Variants in SPIDR observed in about 807,000 individuals in gnomAD.
SPIDR encodes the protein DNA repair-scaffolding protein.
SPIDR carries 93 observed loss-of-function variants against 104.6 expected under a neutral mutation model. The observed-to-expected ratio is 0.89, with a 90% CI of 0.75 to 1.06. The LOEUF (loss-of-function observed/expected upper bound fraction) is 1.06, where lower values mean the gene tolerates loss of function less well. Among genes scored for constraint, SPIDR ranks in the 50% least tolerant of loss-of-function variants. The pLI is 0.00. For synonymous variants in SPIDR, 431 were observed against 416.9 expected, an observed-to-expected ratio of 1.03 and a Z score of -0.41; for missense variants, 1,154 against 1,111.2, an observed-to-expected ratio of 1.04 and a Z score of -0.55.
At chr8:47,460,989 A>T (rs2073840957) in intron 8 of SPIDR, among the ~76,000 whole-genome samples, 1 of 152,322 alleles carries the variant, frequency 6.6e-6, no homozygotes, top group African/African-American at 2.4e-5. Context: ...ATAGGGCCCC[A>T]ATCCCTTCTA....
chr8:47,350,772 A>G (rs1459533820), intron 5 of SPIDR, among the ~76,000 whole-genome samples: 1 of 152,244 alleles, frequency 6.6e-6, no homozygotes, highest in Non-Finnish European at 1.5e-5. Flanking sequence ...GCAGTACTAT[A>G]ACATTTGAGA....
intron 8 of SPIDR, among the ~76,000 whole-genome samples, chr8:47,526,172 G>A (rs537564443): frequency 6.6e-6 from 1 of 152,320 alleles, no homozygotes; most frequent in East Asian, 1.9e-4. Flanking sequence ...TCACACTGAG[G>A]CAGTGCATCC....
chr8:47,399,770 A>G (rs1236163317), intron 6 of SPIDR, among the ~76,000 whole-genome samples: 1 of 152,220 alleles, frequency 6.6e-6, no homozygotes, highest in African/African-American at 2.4e-5. Flanking sequence ...TAAGCTGGGT[A>G]AAGTGAGAAT....
chr8:47,542,288 C>T (rs2088345527), intron 8 of SPIDR, among the ~76,000 whole-genome samples: 1 of 151,662 alleles, frequency 6.6e-6, no homozygotes, highest in Admixed American at 6.6e-5. Flanking sequence ...TGGTTGCCAA[C>T]CATTTGTTAC....
At position 47,632,257 on chromosome 8, in the gene SPIDR, A is replaced by G. The variant is rs369380644; in HGVS notation, c.1544+33061A>G. On this transcript the variant is annotated intron_variant, in intron 10 of 19. Transcript: ENST00000297423. Reference sequence around the variant, plus strand: ...AACTACCATTTCATCTTCTTCAAGCAAACTGCAAAGTTTCGCCTACTCTGA... The same window carrying G: ...AACTACCATTTCATCTTCTTCAAGCGAACTGCAAAGTTTCGCCTACTCTGA... Among the ~76,000 whole-genome samples, 577 of 152,326 alleles carry G rather than the reference A, an allele frequency of 3.8e-3. 3 individuals are homozygous for G. The highest frequency in any genetic ancestry group is 0.023 in the South Asian group (109 of 4,830).
intron 8 of SPIDR, chr8:47,527,656 C>CT (rs1192207955): frequency 1.3e-5 from 2 of 152,234 alleles, no homozygotes; most frequent in Non-Finnish European, 2.9e-5. Flanking sequence ...GATGTAGCCT[C>CT]TGTAGGTGTT....
chr8:47,494,365 C>G (rs188937746), intron 8 of SPIDR, among the ~76,000 whole-genome samples: 3 of 151,776 alleles, frequency 2.0e-5, no homozygotes, highest in Admixed American at 2.0e-4. Context: ...TCACAGCTCA[C>G]TGCAGCCTTG....
chr8:47,589,022 G>GTTTTTTTTTTTTTTTTTTTT (rs1168001066), intron 8 of SPIDR, among the ~76,000 whole-genome samples: 27 of 89,052 alleles, frequency 3.0e-4, no homozygotes, highest in Non-Finnish European at 4.9e-4. Context: ...TTTATAGTTT[G>GTTTTTTTTTTTTTTTTTTTT]TTTTTTTTTT....
chr8:47,284,357 G>A (rs2038396061), intron 3 of SPIDR, among the ~76,000 whole-genome samples: 2 of 152,230 alleles, frequency 1.3e-5, no homozygotes, highest in East Asian at 3.9e-4. Context: ...TTATCACAGA[G>A]CCCAGTAGGT....
chr8:47,625,148 C>G (rs1344774204), intron 10 of SPIDR, among the ~76,000 whole-genome samples: 2 of 152,166 alleles, frequency 1.3e-5, no homozygotes, highest in Non-Finnish European at 2.9e-5. Context: ...ACATGATTAT[C>G]TCAATAGAGG....
intron 8 of SPIDR, among the ~76,000 whole-genome samples, chr8:47,504,570 A>G (rs2081164529): frequency 6.6e-6 from 1 of 152,096 alleles, no homozygotes; most frequent in African/African-American, 2.4e-5. Flanking sequence ...CTTCTTTGCC[A>G]TGGGTGCAAA....
At chr8:47,501,637 C>T (rs1319749787) in intron 8 of SPIDR, among the ~76,000 whole-genome samples, 1 of 152,146 alleles carries the variant, frequency 6.6e-6, no homozygotes, top group African/African-American at 2.4e-5. Flanking sequence ...CCCTTTATTT[C>T]TTTCTCCTGC....
chr8:47,649,466 G>A (rs2071201281), intron 10 of SPIDR, among the ~76,000 whole-genome samples: 1 of 152,148 alleles, frequency 6.6e-6, no homozygotes. Context: ...CCAGACTGCA[G>A]AGTATTAAGA....
chr8:47,702,128 C>T (rs1419363568), intron 14 of SPIDR, 113 bp downstream of exon 14: 4 of 1,021,046 alleles, frequency 3.9e-6, no homozygotes, highest in East Asian at 5.3e-5. Flanking sequence ...CACACACACA[C>T]ACACACACGG....
At chr8:47,263,346 C>A (rs2033022887) in intron 1 of SPIDR, among the ~76,000 whole-genome samples, 1 of 152,104 alleles carries the variant, frequency 6.6e-6, no homozygotes, top group South Asian at 2.1e-4. Flanking sequence ...TGCGTATGTT[C>A]TTGGTTTGGA....
intron 8 of SPIDR, among the ~76,000 whole-genome samples, chr8:47,533,870 G>T (rs997748038): frequency 1.3e-5 from 2 of 152,214 alleles, no homozygotes; most frequent in African/African-American, 4.8e-5. Flanking sequence ...GATTCCTCAA[G>T]GGGCTAAAAG....
chr8:47,582,857 CACACACACACACAT>C (rs879375206), intron 8 of SPIDR, among the ~76,000 whole-genome samples: 32 of 146,104 alleles, frequency 2.2e-4, no homozygotes, highest in Non-Finnish European at 3.6e-4. Context: ...CACACACACA[CACACACACACACAT>C]ATTTTTAAAA....
chr8:47,304,648 G>T (rs2042818855), intron 5 of SPIDR, among the ~76,000 whole-genome samples: 1 of 152,162 alleles, frequency 6.6e-6, no homozygotes, highest in African/African-American at 2.4e-5. Context: ...CTCCCACCAT[G>T]AGTGAAAGCT....
chr8:47,458,370 A>ATTTTATTTTATTTTATTTTG (rs2073373962), intron 8 of SPIDR, among the ~76,000 whole-genome samples: 1 of 148,086 alleles, frequency 6.8e-6, no homozygotes, highest in African/African-American at 2.5e-5. Context: ...ATTTTATTTT[A>ATTTTATTTTATTTTATTTTG]TTTTATTTTA....
Sources: allele counts gnomAD v4.1 joint callset (sites outside exome capture counted in the v4.1 genomes callset), GRCh38; gene constraint gnomAD v4.1.1; transcripts MANE v1.5; gene names NCBI Gene and HGNC (gene_info 2026-07-23, HGNC 2026-07-21).